The following ZNF704 variants were observed in gnomAD, a reference collection of about 807,000 sequenced individuals.
ZNF704 encodes the protein glucocorticoid induced gene 1.
In ZNF704, 10 loss-of-function variants were observed where a neutral mutation model predicts 44.7. That is an observed-to-expected ratio of 0.22 (90% confidence interval 0.14 to 0.38). ZNF704 has a LOEUF of 0.38. Ranked by LOEUF, ZNF704 falls within the 10% of genes least tolerant of loss-of-function variation. The pLI is 1.00. For synonymous variants in ZNF704, 211 were observed against 207.6 expected, an observed-to-expected ratio of 1.02 and a Z score of -0.14; for missense variants, 390 against 545.5, an observed-to-expected ratio of 0.71 and a Z score of 2.84.
intron 2 of ZNF704, among the ~76,000 whole-genome samples, chr8:80,784,622 T>G (rs1321471060): frequency 6.6e-6 from 1 of 152,224 alleles, no homozygotes; most frequent in Non-Finnish European, 1.5e-5. Flanking sequence ...TTTTTATTTT[T>G]GAGATTTAAG....
chr8:80,649,486 A>G lies in ZNF704; in HGVS notation c.1033-6357T>C, dbSNP rs570697360. Reference sequence around the variant, plus strand: ...CACCCTAATACTGCGCTTTTCCAACAGTCTTAGCAAACGGCACACCAGGAG... The same window carrying G: ...CACCCTAATACTGCGCTTTTCCAACGGTCTTAGCAAACGGCACACCAGGAG... On this transcript the variant is annotated intron_variant, in intron 7 of 8. Coordinates refer to ENST00000327835, the MANE Select transcript of ZNF704 (RefSeq NM_001033723.3). Among the ~76,000 whole-genome samples, 156 of 152,314 alleles carry G rather than the reference A, an allele frequency of 1.0e-3. 1 individual carries two copies. Among genetic ancestry groups the G allele is most frequent in the African/African-American group, 3.6e-3 (151 of 41,572 alleles).
At chr8:80,760,654 CAA>C (rs1156753093) in intron 2 of ZNF704, among the ~76,000 whole-genome samples, 6,759 of 59,578 alleles carry the variant, frequency 0.11, 112 homozygotes, top group Middle Eastern at 0.22. Flanking sequence ...GACTCCATCT[CAA>C]AAAAAAAAAA....
intron 2 of ZNF704, among the ~76,000 whole-genome samples, chr8:80,752,773 T>A (rs1388569250): frequency 6.6e-6 from 1 of 152,148 alleles, no homozygotes; most frequent in Non-Finnish European, 1.5e-5. Context: ...ACTCCCGACC[T>A]CAGGTGATCT....
Position 80,802,293 on chromosome 8 carries a change from C to G in ZNF704, c.221+19081G>C, listed in dbSNP as rs904613367. On this transcript the variant is annotated intron_variant, in intron 2 of 8. Coordinates refer to ENST00000327835, the MANE Select transcript of ZNF704 (RefSeq NM_001033723.3). ...TGGTACTATTTCTACTGAAACTATT[C>G]CAAAAAACTGAAAAGGAGGGACTCC... Among the ~76,000 whole-genome samples the G allele has an allele frequency of 2.6e-5, 4 of 151,656 alleles. No individual in the cohort carries two copies. In the East Asian group the frequency reaches 7.7e-4, roughly 29 times the overall value.
At chr8:80,656,895 T>C (rs1377689847) in intron 7 of ZNF704, among the ~76,000 whole-genome samples, 1 of 152,196 alleles carries the variant, frequency 6.6e-6, no homozygotes, top group African/African-American at 2.4e-5. Context: ...TATTTCTCTG[T>C]TCTTCAGTTT....
chr8:80,804,642 A>C (rs1395688162), intron 2 of ZNF704, among the ~76,000 whole-genome samples: 1 of 152,168 alleles, frequency 6.6e-6, no homozygotes, highest in Non-Finnish European at 1.5e-5. Flanking sequence ...ACACATGGAC[A>C]CATGGTGGGG....
In ZNF704 at chr8:80,860,088, T is replaced by C. The variant is rs576410005; in HGVS notation, c.-22+14483A>G. 9.2e-5 allele frequency among the ~76,000 whole-genome samples: 14 copies of C among 152,306 alleles called. 1 individual carries two copies. The East Asian group carries it at 2.3e-3, about 25-fold the overall frequency. ...TGTTTTCATCCCATGCTGCTGGGGATGTATGTTTGAAGCACACACACTGGA... is the reference window on the plus strand; with the variant it reads ...TGTTTTCATCCCATGCTGCTGGGGACGTATGTTTGAAGCACACACACTGGA... On this transcript the variant is annotated intron_variant, in intron 1 of 8. Coordinates refer to ENST00000327835, the MANE Select transcript of ZNF704 (RefSeq NM_001033723.3).
intron 2 of ZNF704, among the ~76,000 whole-genome samples, chr8:80,727,775 T>C (rs1490861434): frequency 6.6e-6 from 1 of 152,176 alleles, no homozygotes; most frequent in African/African-American, 2.4e-5. Flanking sequence ...AGGAGAGCTC[T>C]TGCTTTTCCT....
chr8:80,864,255 C>T (rs1809116239), intron 1 of ZNF704, among the ~76,000 whole-genome samples: 1 of 152,038 alleles, frequency 6.6e-6, no homozygotes, highest in Non-Finnish European at 1.5e-5. Flanking sequence ...TTTAATTATG[C>T]AGTTTTAGTT....
intron 1 of ZNF704, among the ~76,000 whole-genome samples, chr8:80,828,317 A>T (rs1311489151): frequency 1.3e-5 from 2 of 152,194 alleles, no homozygotes; most frequent in Non-Finnish European, 2.9e-5. Flanking sequence ...AATGAACTGA[A>T]TCTTGTTACT....
chr8:80,761,460 C>A (rs1389204350), intron 2 of ZNF704, among the ~76,000 whole-genome samples: 2 of 152,060 alleles, frequency 1.3e-5, no homozygotes, highest in Non-Finnish European at 2.9e-5. Context: ...AAGACACAAT[C>A]CTAAACACTA....
intron 2 of ZNF704, among the ~76,000 whole-genome samples, chr8:80,762,989 T>C (rs1280278299): frequency 6.6e-6 from 1 of 152,234 alleles, no homozygotes; most frequent in Non-Finnish European, 1.5e-5. Context: ...TTTGACTCCA[T>C]ATCTCATATT....
chr8:80,646,474 C>CA (rs59704641), intron 7 of ZNF704, among the ~76,000 whole-genome samples: 2,011 of 98,554 alleles, frequency 0.02, 32 homozygotes, highest in African/African-American at 0.043. Flanking sequence ...AGACACATCT[C>CA]AAAAAAAAAA....
At chr8:80,730,056 G>A (rs926720334) in intron 2 of ZNF704, among the ~76,000 whole-genome samples, 1 of 152,158 alleles carries the variant, frequency 6.6e-6, no homozygotes, top group Admixed American at 6.5e-5. Context: ...CTATGCATAG[G>A]TGGACGGAAA....
chr8:80,850,439 T>A (rs1808839113), intron 1 of ZNF704, among the ~76,000 whole-genome samples: 1 of 152,206 alleles, frequency 6.6e-6, no homozygotes, highest in Admixed American at 6.5e-5. Context: ...GCATCTGATA[T>A]GACGGCATGA....
chr8:80,802,194 C>CA (rs748625927), intron 2 of ZNF704, among the ~76,000 whole-genome samples: 30,397 of 82,280 alleles, frequency 0.37, 4,727 homozygotes, highest in African/African-American at 0.38. Context: ...GCCTACCAAC[C>CA]AAAAAAAAAA....
chr8:80,756,490 A>G (rs572791647), intron 2 of ZNF704, among the ~76,000 whole-genome samples: 1 of 152,302 alleles, frequency 6.6e-6, no homozygotes, highest in East Asian at 1.9e-4. Context: ...ATGTGTTTGA[A>G]AATGAAGAGG....
At chr8:80,710,890 T>C (rs1383415215) in intron 2 of ZNF704, among the ~76,000 whole-genome samples, 1 of 152,208 alleles carries the variant, frequency 6.6e-6, no homozygotes, top group Non-Finnish European at 1.5e-5. Flanking sequence ...CTTTCTTAGG[T>C]TGAATAAGAC....
At chr8:80,799,883 G>A (rs1437975794) in intron 2 of ZNF704, among the ~76,000 whole-genome samples, 1 of 152,074 alleles carries the variant, frequency 6.6e-6, no homozygotes, top group African/African-American at 2.4e-5. Context: ...AGCTAAAGGA[G>A]CATGTCTAAC....
Sources: allele counts gnomAD v4.1 joint callset (sites outside exome capture counted in the v4.1 genomes callset), GRCh38; gene constraint gnomAD v4.1.1; transcripts MANE v1.5; gene names NCBI Gene and HGNC (gene_info 2026-07-23, HGNC 2026-07-21).